The following UNC5D variants were observed in gnomAD, a reference collection of about 807,000 sequenced individuals.
UNC5D encodes unc-5 netrin receptor D, also known as netrin receptor UNC5D.
UNC5D carries 39 observed loss-of-function variants against 105.4 expected under a neutral mutation model. The ratio of observed to expected loss-of-function variants is 0.37; its 90% CI spans 0.29 to 0.48. UNC5D has a LOEUF of 0.48. Among genes scored for constraint, UNC5D ranks in the 20% least tolerant of loss-of-function variants. The probability of loss-of-function intolerance (pLI) is 0.98; values close to 1 mark genes in which losing one functional copy is unlikely to be tolerated. For synonymous variants in UNC5D, 452 were observed against 450.4 expected (o/e 1.00, Z -0.04); for missense variants, 991 against 1,202.4 (o/e 0.82, Z 2.60).
At chr8:35,504,491 A>T (rs1812183270) in intron 1 of UNC5D, among the ~76,000 whole-genome samples, 1 of 152,124 alleles carries the variant, frequency 6.6e-6, no homozygotes, top group African/African-American at 2.4e-5. Flanking sequence ...AATGGTGGAG[A>T]GGTCCTGAGG....
chr8:35,507,100 G>T lies in UNC5D; in HGVS notation c.104-42192G>T, dbSNP rs1410500879. ...AGACGGAGTCTCGCTCTGTCGCCCA[G>T]GCTGGAGTGCAGTGGCGGGATCTCG... On this transcript the variant is annotated intron_variant, in intron 1 of 16. Transcript: ENST00000404895. Among the ~76,000 whole-genome samples, 4 of 125,500 alleles carry T rather than the reference G, an allele frequency of 3.2e-5. 1 individual carries two copies. The highest frequency in any genetic ancestry group is 1.2e-4 in the African/African-American group (4 of 32,488). 82.3% of individuals were successfully genotyped at this position (125,500 alleles called of 152,430 possible).
At chr8:35,451,341 C>T (rs545113465) in intron 1 of UNC5D, among the ~76,000 whole-genome samples, 15 of 152,232 alleles carry the variant, frequency 9.9e-5, no homozygotes, top group Non-Finnish European at 2.2e-4. Context: ...CTGCACCTGG[C>T]CCTATAGTAA....
At chr8:35,250,797 C>A (rs1304734327) in intron 1 of UNC5D, among the ~76,000 whole-genome samples, 1 of 151,888 alleles carries the variant, frequency 6.6e-6, no homozygotes, top group Non-Finnish European at 1.5e-5. Context: ...GCTCCTGGCC[C>A]CAGTAGTTGC....
chr8:35,722,535 C>A, intron 9 of UNC5D, 140 bp downstream of exon 9: 2 of 1,122,116 alleles, frequency 1.8e-6, no homozygotes, highest in Non-Finnish European at 1.2e-6. Flanking sequence ...CACACATGAA[C>A]AGACCGGGCT....
intron 1 of UNC5D, among the ~76,000 whole-genome samples, chr8:35,327,349 T>A (rs772551307): frequency 6.6e-6 from 1 of 152,232 alleles, no homozygotes. Context: ...ATTTTCTGCA[T>A]GCCTGCTTCC....
At chr8:35,268,065 A>AT (rs1292370380) in intron 1 of UNC5D, among the ~76,000 whole-genome samples, 6 of 152,160 alleles carry the variant, frequency 3.9e-5, no homozygotes, top group Non-Finnish European at 8.8e-5. Flanking sequence ...TTAATTTATG[A>AT]TTTTTTTGTT....
At chr8:35,353,710 T>C (rs966633010) in intron 1 of UNC5D, among the ~76,000 whole-genome samples, 1 of 152,098 alleles carries the variant, frequency 6.6e-6, no homozygotes, top group Non-Finnish European at 1.5e-5. Flanking sequence ...GATACCTTCA[T>C]GTGCATTAAT....
intron 1 of UNC5D, among the ~76,000 whole-genome samples, chr8:35,317,648 G>A (rs996129422): frequency 1.3e-5 from 2 of 152,014 alleles, no homozygotes; most frequent in Non-Finnish European, 2.9e-5. Context: ...ACTCTCTCTT[G>A]CCTCCATGGA....
At chr8:35,610,067 G>A (rs974276753) in intron 4 of UNC5D, among the ~76,000 whole-genome samples, 3 of 151,830 alleles carry the variant, frequency 2.0e-5, no homozygotes, top group Middle Eastern at 3.2e-3. Context: ...AAATGTTCTC[G>A]TGTACCTACC....
intron 1 of UNC5D, among the ~76,000 whole-genome samples, chr8:35,454,593 G>C (rs934685883): frequency 6.6e-6 from 1 of 152,052 alleles, no homozygotes; most frequent in Admixed American, 6.6e-5. Context: ...TCTTCTATTA[G>C]TTTTCCCATA....
At chr8:35,507,344 C>T (rs1034943202) in intron 1 of UNC5D, among the ~76,000 whole-genome samples, 3 of 152,048 alleles carry the variant, frequency 2.0e-5, no homozygotes, top group African/African-American at 7.2e-5. Flanking sequence ...CGTGAGCCAC[C>T]GCGCCGGCCC....
intron 1 of UNC5D, among the ~76,000 whole-genome samples, chr8:35,345,323 A>G (rs2128905651): frequency 6.6e-6 from 1 of 152,070 alleles, no homozygotes; most frequent in South Asian, 2.1e-4. Flanking sequence ...ATAACACAAA[A>G]TAGCAGAAAT....
intron 1 of UNC5D, among the ~76,000 whole-genome samples, chr8:35,436,579 G>A (rs181295546): frequency 4.3e-4 from 66 of 152,078 alleles, no homozygotes; most frequent in Non-Finnish European, 7.1e-4. Context: ...TCAAGAGTTG[G>A]CATTCAGTTG....
intron 7 of UNC5D, 27 bp from the exon 8 acceptor site, chr8:35,705,902 T>TTAATAAAA (rs1827545963): frequency 2.3e-6 from 3 of 1,307,828 alleles, no homozygotes; most frequent in Non-Finnish European, 3.2e-6. Flanking sequence ...AAATGCAACT[T>TTAATAAAA]TCTTTTTCTT....
intron 1 of UNC5D, among the ~76,000 whole-genome samples, chr8:35,331,122 A>G (rs1435734825): frequency 6.6e-6 from 1 of 152,202 alleles, no homozygotes; most frequent in Admixed American, 6.5e-5. Context: ...CAGAGAGATT[A>G]AGAGACAGGA....
chr8:35,537,744 T>C (rs1052374409), intron 1 of UNC5D, among the ~76,000 whole-genome samples: 1 of 150,328 alleles, frequency 6.7e-6, no homozygotes, highest in African/African-American at 2.4e-5. Flanking sequence ...TTTATACATA[T>C]AATTAAATAA....
At position 35,794,126 on chromosome 8, in the gene UNC5D, C is replaced by CAAAATGTTATTT. The variant is rs1803165197; in HGVS notation, c.*3563_*3564insAAAATGTTATTT. 1 of 152,104 alleles carries CAAAATGTTATTT rather than the reference C, an allele frequency of 6.6e-6. No individual in the cohort carries two copies. Among genetic ancestry groups the CAAAATGTTATTT allele is most frequent in the Non-Finnish European group, 1.5e-5 (1 of 68,022 alleles). 9.4% of individuals were successfully genotyped at this position (152,104 alleles called of 1,614,324 possible). On this transcript the variant is annotated 3_prime_UTR_variant, in exon 17 of 17. Coordinates refer to ENST00000404895, the MANE Select transcript of UNC5D (RefSeq NM_080872.4). ...ACTGCCAAACTTCTGGCAAATTTAC[C>CAAAATGTTATTT]TGTGAATTTCAAAATGTTATAAAAT...
intron 7 of UNC5D, among the ~76,000 whole-genome samples, chr8:35,692,878 C>T (rs186540413): frequency 2.0e-5 from 3 of 152,320 alleles, no homozygotes; most frequent in Non-Finnish European, 4.4e-5. Flanking sequence ...TACTCAATAG[C>T]TTGCCTTTCT....
intron 1 of UNC5D, among the ~76,000 whole-genome samples, chr8:35,444,940 C>A (rs1242466834): frequency 6.6e-6 from 1 of 151,986 alleles, no homozygotes; most frequent in Non-Finnish European, 1.5e-5. Flanking sequence ...TAACAAAACA[C>A]CTTCTTCTGT....
Sources: gnomAD v4.1 joint callset for allele counts (sites outside exome capture counted in the v4.1 genomes callset) on GRCh38, gnomAD v4.1.1 for gene constraint, MANE v1.5 for transcripts, NCBI Gene and HGNC (gene_info 2026-07-23, HGNC 2026-07-21) for gene names.